Variants in DACH1 observed in about 807,000 individuals in gnomAD.
DACH1 encodes the protein dachshund homolog 1.
A neutral mutation model predicts 54.2 loss-of-function variants in DACH1; 12 were observed. The observed-to-expected ratio is 0.22, with a 90% CI of 0.14 to 0.36. The LOEUF is 0.36. Among genes scored for constraint, DACH1 ranks in the 10% least tolerant of loss-of-function variants. The pLI is 1.00. For synonymous variants in DACH1, 386 were observed against 366.2 expected (o/e 1.05, Z -0.62); for missense variants, 805 against 929.8 (o/e 0.87, Z 1.75).
intron 1 of DACH1, among the ~76,000 whole-genome samples, chr13:71,707,262 G>T (rs1357035728): frequency 6.6e-6 from 1 of 152,222 alleles, no homozygotes; most frequent in African/African-American, 2.4e-5. Context: ...TCTCAGCAGG[G>T]CATGCAACCT....
chr13:71,774,638 T>G (rs992469269), intron 1 of DACH1, among the ~76,000 whole-genome samples: 1 of 152,144 alleles, frequency 6.6e-6, no homozygotes, highest in African/African-American at 2.4e-5. Context: ...TTTAAAAGCT[T>G]AGTAACTTTT....
chr13:71,629,850 C>T (rs918840166), intron 3 of DACH1, among the ~76,000 whole-genome samples: 1 of 152,100 alleles, frequency 6.6e-6, no homozygotes, highest in Non-Finnish European at 1.5e-5. Context: ...TGCCCCACAA[C>T]ATCCAGATGC....
At position 71,675,080 on chromosome 13, in the gene DACH1, A is replaced by C. The variant is rs990958345; in HGVS notation, c.964+6715T>G. On this transcript the variant is annotated intron_variant, in intron 2 of 10. Coordinates refer to ENST00000613252, the MANE Select transcript of DACH1 (RefSeq NM_080759.6). Reference sequence around the variant, plus strand: ...CTCTGTACCACGGCTCGTACAAAGCAGACTGCCCGCAAATCGACCGGTGGT... The same window carrying C: ...CTCTGTACCACGGCTCGTACAAAGCCGACTGCCCGCAAATCGACCGGTGGT... 31 of 1,530,374 alleles carry C rather than the reference A, an allele frequency of 2.0e-5. No individual in the cohort carries two copies. The African/African-American group carries it at 2.6e-4, about 13-fold the overall frequency. The allele number at this position is 1,530,374 out of a possible 1,614,324, so 94.8% of individuals were successfully genotyped here. A position where few individuals can be genotyped will look rare whatever the true frequency, so the allele number is the denominator to read the frequency against.
chr13:71,797,401 C>G (rs1887100900), intron 1 of DACH1, among the ~76,000 whole-genome samples: 1 of 152,064 alleles, frequency 6.6e-6, no homozygotes, highest in Non-Finnish European at 1.5e-5. Flanking sequence ...TAAGATGATA[C>G]CCTTAAGATA....
chr13:71,807,430 A>AC (rs1396506773), intron 1 of DACH1, among the ~76,000 whole-genome samples: 2 of 151,548 alleles, frequency 1.3e-5, no homozygotes, highest in Non-Finnish European at 2.9e-5. Flanking sequence ...AAAAAAAAAA[A>AC]AAAAAAAAAA....
rs528771993 is a variant in DACH1, at chr13:71,865,905, T to C, written c.848+17A>G. On this transcript the variant is annotated intron_variant, in intron 1 of 10. Coordinates refer to ENST00000613252, the MANE Select transcript of DACH1 (RefSeq NM_080759.6). ...GGGAAGGGGCGCGGGCGGCGGGGGC[T>C]ATCCCCCCCGACTCACCTTGCGTTG... The C allele has an allele frequency of 2.6e-5, 41 of 1,577,480 alleles. No individual in the cohort carries two copies. The South Asian group carries it at 3.3e-4, about 13-fold the overall frequency.
chr13:71,620,868 G>T (rs1268028605), intron 3 of DACH1, among the ~76,000 whole-genome samples: 4 of 150,380 alleles, frequency 2.7e-5, no homozygotes, highest in Non-Finnish European at 4.4e-5. Flanking sequence ...AATCATAGAT[G>T]AATTATTTAT....
At position 71,589,078 on chromosome 13, in the gene DACH1, G is replaced by A. The variant is rs369070859; in HGVS notation, c.1127-16066C>T. 5.9e-5 allele frequency among the ~76,000 whole-genome samples: 9 copies of A among 152,040 alleles called. No homozygotes were observed. In the South Asian group the frequency reaches 1.5e-3, roughly 25 times the overall value. ...AAGGCTGCCTTCTCTGCACTCATAC[G>A]AACCACTAACTGGTTATGACAATTT... On this transcript the variant is annotated intron_variant, in intron 3 of 10. Coordinates refer to ENST00000613252, the MANE Select transcript of DACH1 (RefSeq NM_080759.6).
intron 2 of DACH1, among the ~76,000 whole-genome samples, chr13:71,658,309 G>A (rs1394978486): frequency 6.6e-6 from 1 of 152,162 alleles, no homozygotes; most frequent in Admixed American, 6.5e-5. Flanking sequence ...CAGCACTTTG[G>A]GAAGCTGAGG....
intron 10 of DACH1, among the ~76,000 whole-genome samples, chr13:71,463,730 G>A (rs1876312625): frequency 1.3e-5 from 2 of 151,934 alleles, no homozygotes; most frequent in Non-Finnish European, 2.9e-5. Flanking sequence ...ATTAGATGAT[G>A]TTCTTTTTTG....
At chr13:71,610,578 A>C (rs1405976377) in intron 3 of DACH1, among the ~76,000 whole-genome samples, 1 of 152,186 alleles carries the variant, frequency 6.6e-6, no homozygotes, top group Non-Finnish European at 1.5e-5. Flanking sequence ...GCACTGGCAA[A>C]GATTCAATAC....
intron 6 of DACH1, among the ~76,000 whole-genome samples, chr13:71,540,803 C>T (rs1001259140): frequency 5.9e-5 from 9 of 151,826 alleles, no homozygotes; most frequent in African/African-American, 2.2e-4. Flanking sequence ...TCACATTGAA[C>T]AAACTCAACT....
At chr13:71,601,951 A>G (rs1188739888) in intron 3 of DACH1, among the ~76,000 whole-genome samples, 1 of 151,998 alleles carries the variant, frequency 6.6e-6, no homozygotes, top group Non-Finnish European at 1.5e-5. Context: ...AGTGAGCTAG[A>G]TATTTTCATA....
intron 3 of DACH1, among the ~76,000 whole-genome samples, chr13:71,620,885 T>A (rs1213670255): frequency 2.0e-5 from 3 of 151,418 alleles, no homozygotes; most frequent in South Asian, 2.1e-4. Flanking sequence ...TTATTTTTTT[T>A]AAAGTTTTAC....
At chr13:71,619,617 C>T (rs886636048) in intron 3 of DACH1, among the ~76,000 whole-genome samples, 4 of 151,528 alleles carry the variant, frequency 2.6e-5, no homozygotes, top group African/African-American at 9.7e-5. Context: ...TCTATATTTT[C>T]CCAAAATAAA....
At chr13:71,591,436 T>C (rs561699742) in intron 3 of DACH1, among the ~76,000 whole-genome samples, 187 of 152,274 alleles carry the variant, frequency 1.2e-3, no homozygotes, top group South Asian at 8.3e-3. Flanking sequence ...GGAAAAACTG[T>C]TAAAAAATCT....
intron 2 of DACH1, among the ~76,000 whole-genome samples, chr13:71,665,959 A>G (rs1483763006): frequency 6.6e-6 from 1 of 152,130 alleles, no homozygotes; most frequent in Non-Finnish European, 1.5e-5. Flanking sequence ...TTGACACGAG[A>G]AATAAATGAA....
intron 1 of DACH1, among the ~76,000 whole-genome samples, chr13:71,733,740 T>C (rs1883858231): frequency 6.6e-6 from 1 of 152,164 alleles, no homozygotes; most frequent in Admixed American, 6.5e-5. Context: ...CAGTAGCATT[T>C]TACATAATGG....
At chr13:71,793,360 G>A (rs1057515274) in intron 1 of DACH1, among the ~76,000 whole-genome samples, 1 of 152,068 alleles carries the variant, frequency 6.6e-6, no homozygotes, top group Non-Finnish European at 1.5e-5. Flanking sequence ...ACTCTTCAGC[G>A]ACTTTCAAAA....
Sources: allele counts gnomAD v4.1 joint callset (sites outside exome capture counted in the v4.1 genomes callset), GRCh38; gene constraint gnomAD v4.1.1; transcripts MANE v1.5; gene names NCBI Gene and HGNC (gene_info 2026-07-23, HGNC 2026-07-21).